Variants in TRPM3 observed in about 807,000 individuals in gnomAD.
TRPM3 encodes the protein long transient receptor potential channel 3.
A neutral mutation model predicts 181.2 loss-of-function variants in TRPM3; 77 were observed. The ratio of observed to expected loss-of-function variants is 0.42; its 90% CI spans 0.35 to 0.51. The LOEUF is 0.51. TRPM3 is among the 20% of genes least tolerant of loss of function. The pLI is 0.01. For missense variants in TRPM3, 1,759 were observed against 2,196.7 expected (o/e 0.80, Z 3.98); for synonymous variants, 745 against 796.4 (o/e 0.94, Z 1.09).
At position 70,843,138 on chromosome 9, in the gene TRPM3, A is replaced by G. The variant is rs1298121298; in HGVS notation, c.677-11T>C. 2 of 1,595,570 alleles carry G rather than the reference A, an allele frequency of 1.3e-6. No homozygotes were observed. Among genetic ancestry groups the G allele is most frequent in the Middle Eastern group, 1.7e-4 (1 of 6,018 alleles). The stretch of plus-strand genomic sequence containing the variant: ...CATGACGAATAACACCTAAAAAAAA[A>G]AGAGAAGCATTGATTTTTTCTTTTA... On this transcript the variant is annotated splice_polypyrimidine_tract_variant and intron_variant, in intron 4 of 25. Transcript: ENST00000677713.
chr9:71,032,364 G>GT (rs2057642534), intron 1 of TRPM3, among the ~76,000 whole-genome samples: 1 of 150,220 alleles, frequency 6.7e-6, no homozygotes, highest in South Asian at 2.1e-4. Flanking sequence ...GGACCCACAG[G>GT]TTAAAAAAGT....
chr9:70,973,439 A>G (rs2097266021), intron 1 of TRPM3, among the ~76,000 whole-genome samples: 1 of 152,240 alleles, frequency 6.6e-6, no homozygotes, highest in Admixed American at 6.5e-5. Flanking sequence ...CTATACCAAT[A>G]TAGGAAAGTT....
chr9:70,906,745 A>C (rs1369270224), intron 1 of TRPM3, among the ~76,000 whole-genome samples: 2 of 152,158 alleles, frequency 1.3e-5, no homozygotes, highest in Non-Finnish European at 1.5e-5. Context: ...TCTACTAAAA[A>C]TACAAAAAAT....
intron 1 of TRPM3, among the ~76,000 whole-genome samples, chr9:70,872,821 T>C (rs745826519): frequency 4.6e-5 from 7 of 151,972 alleles, no homozygotes; most frequent in Non-Finnish European, 1.0e-4. Flanking sequence ...AGGCAAATCA[T>C]CTGATTTCCT....
Position 70,854,679 on chromosome 9 carries a change from T to G in TRPM3, c.463-8088A>C, listed in dbSNP as rs190793485. 4.6e-5 allele frequency among the ~76,000 whole-genome samples: 7 copies of G among 152,308 alleles called. No homozygotes were observed. In the East Asian group the frequency reaches 1.4e-3, roughly 29 times the overall value. Reference sequence around the variant, plus strand: ...GCCTTTAGTTCCCCAATTTATCATTTCAAGAGATAAACTGGGCTCGAATAA... The same window carrying G: ...GCCTTTAGTTCCCCAATTTATCATTGCAAGAGATAAACTGGGCTCGAATAA... On this transcript the variant is annotated intron_variant, in intron 3 of 25. Transcript: ENST00000677713.
chr9:71,372,346 C>G (rs1190456462), intron 1 of TRPM3, among the ~76,000 whole-genome samples: 2 of 151,932 alleles, frequency 1.3e-5, no homozygotes, highest in East Asian at 3.9e-4. Context: ...GGGTATATAC[C>G]CAGTAATGGA....
intron 1 of TRPM3, among the ~76,000 whole-genome samples, chr9:71,374,684 A>G (rs1219195483): frequency 1.3e-5 from 2 of 152,194 alleles, no homozygotes; most frequent in Admixed American, 6.5e-5. Flanking sequence ...ACATGATCCT[A>G]TATCTAGAAA....
intron 7 of TRPM3, among the ~76,000 whole-genome samples, chr9:70,772,177 T>C (rs1206424410): frequency 6.6e-6 from 1 of 152,114 alleles, no homozygotes; most frequent in Non-Finnish European, 1.5e-5. Flanking sequence ...ATGGTAGCTG[T>C]TACTCACATG....
intron 1 of TRPM3, among the ~76,000 whole-genome samples, chr9:71,085,056 CTGAGA>C (rs1162118707): frequency 2.0e-5 from 3 of 151,980 alleles, no homozygotes; most frequent in African/African-American, 4.8e-5. Flanking sequence ...CAAAATGGTG[CTGAGA>C]TAACTGGCCA....
intron 1 of TRPM3, among the ~76,000 whole-genome samples, chr9:71,321,903 A>G (rs1481317903): frequency 1.3e-5 from 2 of 152,170 alleles, no homozygotes; most frequent in Non-Finnish European, 2.9e-5. Context: ...GCCAAAAATA[A>G]TATGAGAAAA....
chr9:70,599,694 C>A (rs982004586), intron 20 of TRPM3, among the ~76,000 whole-genome samples: 1 of 152,142 alleles, frequency 6.6e-6, no homozygotes, highest in Non-Finnish European at 1.5e-5. Flanking sequence ...ATCAAATGTC[C>A]CCTTTTTAGG....
intron 12 of TRPM3, among the ~76,000 whole-genome samples, chr9:70,629,719 A>G (rs7040809): frequency 0.77 from 117,064 of 152,152 alleles, 46,622 homozygotes; most frequent in East Asian, 0.92. Context: ...GCGCTAAGGA[A>G]TGAGTCAGAT....
At chr9:71,408,062 CA>C (rs1332698233) in intron 1 of TRPM3, among the ~76,000 whole-genome samples, 1 of 152,108 alleles carries the variant, frequency 6.6e-6, no homozygotes, top group Non-Finnish European at 1.5e-5. Flanking sequence ...TCAACAACAA[CA>C]AAAAGGACAT....
intron 1 of TRPM3, among the ~76,000 whole-genome samples, chr9:71,173,605 G>A (rs961511314): frequency 4.6e-5 from 7 of 152,218 alleles, no homozygotes; most frequent in African/African-American, 1.7e-4. Flanking sequence ...TATTGAGGGA[G>A]GTGCATGAAT....
At chr9:70,613,854 A>AG (rs2062356485) in intron 18 of TRPM3, among the ~76,000 whole-genome samples, 1 of 152,102 alleles carries the variant, frequency 6.6e-6, no homozygotes. Flanking sequence ...TAGGCTGAGC[A>AG]GGGGAAGCTA....
intron 9 of TRPM3, among the ~76,000 whole-genome samples, chr9:70,657,961 A>T (rs1156779657): frequency 6.6e-6 from 1 of 152,126 alleles, no homozygotes; most frequent in South Asian, 2.1e-4. Context: ...ATTAATCATC[A>T]ATGTCAAAGG....
At chr9:70,828,768 C>A (rs1200267246) in intron 5 of TRPM3, among the ~76,000 whole-genome samples, 1 of 145,490 alleles carries the variant, frequency 6.9e-6, no homozygotes, top group Non-Finnish European at 1.5e-5. Context: ...TACATGTTAT[C>A]TATATTCCTT....
intron 1 of TRPM3, among the ~76,000 whole-genome samples, chr9:71,153,734 A>C (rs1040088511): frequency 2.0e-5 from 3 of 152,122 alleles, no homozygotes; most frequent in Non-Finnish European, 4.4e-5. Context: ...CTTTGCTCAT[A>C]AATAGCAGAG....
intron 1 of TRPM3, 66 bp downstream of exon 1, chr9:71,121,112 C>T: frequency 1.3e-6 from 2 of 1,526,488 alleles, no homozygotes; most frequent in Non-Finnish European, 1.8e-6. Flanking sequence ...CAGCCCAAGT[C>T]CCCAAGTTGG....
Sources: allele counts gnomAD v4.1 joint callset (sites outside exome capture counted in the v4.1 genomes callset), GRCh38; gene constraint gnomAD v4.1.1; transcripts MANE v1.5; gene names NCBI Gene and HGNC (gene_info 2026-07-23, HGNC 2026-07-21).